The following TAFA1 variants were observed in gnomAD, a reference collection of about 807,000 sequenced individuals.
TAFA1 encodes chemokine-like protein TAFA-1.
In TAFA1, 4 loss-of-function variants were observed where a neutral mutation model predicts 18.5. That is an observed-to-expected ratio of 0.22 (90% CI 0.11 to 0.49). The LOEUF is 0.49. Ranked by LOEUF, TAFA1 falls within the 20% of genes least tolerant of loss-of-function variation. The probability of loss-of-function intolerance (pLI) is 0.98; values close to 1 mark genes in which losing one functional copy is unlikely to be tolerated. For synonymous variants in TAFA1, 56 were observed against 55.2 expected (o/e 1.01, Z -0.06); for missense variants, 147 against 169.0 (o/e 0.87, Z 0.72).
chr3:68,214,093 C>T (rs2066626955), intron 2 of TAFA1, among the ~76,000 whole-genome samples: 1 of 151,996 alleles, frequency 6.6e-6, no homozygotes, highest in East Asian at 1.9e-4. Context: ...CCTAGTAAAA[C>T]ACATTAGTAT....
intron 3 of TAFA1, among the ~76,000 whole-genome samples, chr3:68,427,741 T>G (rs901135984): frequency 6.6e-6 from 1 of 151,864 alleles, no homozygotes; most frequent in African/African-American, 2.4e-5. Flanking sequence ...CATCTTGAAT[T>G]ATAGCTCCCA....
chr3:68,228,078 T>C (rs2066826165), intron 2 of TAFA1, among the ~76,000 whole-genome samples: 1 of 152,178 alleles, frequency 6.6e-6, no homozygotes, highest in African/African-American at 2.4e-5. Flanking sequence ...TTTCGGCAGA[T>C]GCATTTGAGG....
At chr3:68,247,873 C>T (rs1472353410) in intron 2 of TAFA1, 1 of 152,160 alleles carries the variant, frequency 6.6e-6, no homozygotes, top group Non-Finnish European at 1.5e-5. Context: ...GTCTGATCTC[C>T]CTTTCTCTTT....
chr3:68,284,378 T>C (rs2067958129), intron 2 of TAFA1, among the ~76,000 whole-genome samples: 2 of 152,214 alleles, frequency 1.3e-5, no homozygotes, highest in Admixed American at 6.5e-5. Flanking sequence ...AAGGGAACTC[T>C]TGTACATTTT....
intron 2 of TAFA1, among the ~76,000 whole-genome samples, chr3:68,392,347 C>T (rs1355275467): frequency 6.6e-6 from 1 of 151,918 alleles, no homozygotes; most frequent in African/African-American, 2.4e-5. Flanking sequence ...ACAGGAGCAC[C>T]CAGATTCATA....
At chr3:68,502,928 C>G (rs1010487626) in intron 3 of TAFA1, among the ~76,000 whole-genome samples, 2 of 152,078 alleles carry the variant, frequency 1.3e-5, no homozygotes, top group African/African-American at 4.8e-5. Context: ...GGAAACAGCC[C>G]AAATGCCCAC....
At chr3:68,264,357 T>G (rs963231755) in intron 2 of TAFA1, among the ~76,000 whole-genome samples, 1 of 152,208 alleles carries the variant, frequency 6.6e-6, no homozygotes, top group African/African-American at 2.4e-5. Context: ...CACAGATTAT[T>G]GAAGTTTGGG....
chr3:68,136,104 A>G (rs560394466), intron 2 of TAFA1, among the ~76,000 whole-genome samples: 2 of 152,262 alleles, frequency 1.3e-5, no homozygotes, highest in Admixed American at 6.5e-5. Context: ...TTTATCAGTC[A>G]ATTACCAGTC....
At chr3:68,131,615 C>A (rs923425578) in intron 2 of TAFA1, among the ~76,000 whole-genome samples, 4 of 152,196 alleles carry the variant, frequency 2.6e-5, no homozygotes, top group African/African-American at 7.2e-5. Flanking sequence ...TAAGCCCAGA[C>A]CTTAGCTACT....
chr3:68,033,840 A>T (rs534619689), intron 2 of TAFA1, among the ~76,000 whole-genome samples: 6 of 152,346 alleles, frequency 3.9e-5, no homozygotes, highest in African/African-American at 1.4e-4. Flanking sequence ...TGGATCAAAC[A>T]TGATGAACAA....
At chr3:68,177,134 G>A (rs972443615) in intron 2 of TAFA1, among the ~76,000 whole-genome samples, 1 of 152,142 alleles carries the variant, frequency 6.6e-6, no homozygotes, top group Non-Finnish European at 1.5e-5. Context: ...GCAATTAAAA[G>A]AGAAAAGGAG....
intron 2 of TAFA1, among the ~76,000 whole-genome samples, chr3:68,080,404 A>C (rs1337238907): frequency 6.7e-6 from 1 of 150,132 alleles, no homozygotes; most frequent in Non-Finnish European, 1.5e-5. Flanking sequence ...GTTTCTTCCT[A>C]GTCTCGATGG....
intron 2 of TAFA1, among the ~76,000 whole-genome samples, chr3:68,389,903 C>T (rs575884997): frequency 6.6e-6 from 1 of 152,280 alleles, no homozygotes; most frequent in East Asian, 1.9e-4. Flanking sequence ...ACCACCAGGG[C>T]CCTGGGTTTC....
At chr3:68,194,844 G>C (rs941006298) in intron 2 of TAFA1, among the ~76,000 whole-genome samples, 1 of 151,736 alleles carries the variant, frequency 6.6e-6, no homozygotes. Context: ...TGTTGGTAAA[G>C]TGTATAACAT....
chr3:68,398,010 A>T (rs2070417724), intron 2 of TAFA1, among the ~76,000 whole-genome samples: 1 of 152,138 alleles, frequency 6.6e-6, no homozygotes, highest in Non-Finnish European at 1.5e-5. Context: ...TAATTTACAA[A>T]TTCAGTGTTA....
chr3:68,360,293 A>G (rs1441495379), intron 2 of TAFA1, among the ~76,000 whole-genome samples: 2 of 151,978 alleles, frequency 1.3e-5, no homozygotes, highest in African/African-American at 4.8e-5. Context: ...CACATGCAAG[A>G]CTTTTATGAT....
At chr3:68,135,452 A>G (rs997103062) in intron 2 of TAFA1, among the ~76,000 whole-genome samples, 7 of 152,204 alleles carry the variant, frequency 4.6e-5, no homozygotes, top group African/African-American at 1.7e-4. Context: ...GGCAGCATGG[A>G]AAAAGAAGCA....
intron 2 of TAFA1, among the ~76,000 whole-genome samples, chr3:68,107,339 G>A (rs2065215166): frequency 6.6e-6 from 1 of 152,106 alleles, no homozygotes. Flanking sequence ...GTACATTAAT[G>A]TTAATAGCAG....
At chr3:68,305,219 T>G (rs2068381445) in intron 2 of TAFA1, among the ~76,000 whole-genome samples, 1 of 146,598 alleles carries the variant, frequency 6.8e-6, no homozygotes, top group African/African-American at 2.4e-5. Flanking sequence ...ATGGTGTTTT[T>G]CCCATATGTT....
Sources: allele counts gnomAD v4.1 joint callset (sites outside exome capture counted in the v4.1 genomes callset), GRCh38; gene constraint gnomAD v4.1.1; transcripts MANE v1.5; gene names NCBI Gene and HGNC (gene_info 2026-07-23, HGNC 2026-07-21).